Variants in MNAT1 observed in about 807,000 individuals in gnomAD.
MNAT1 encodes the protein CDK-activating kinase assembly factor MAT1.
A neutral mutation model predicts 42.0 loss-of-function variants in MNAT1; 43 were observed. The ratio of observed to expected loss-of-function variants is 1.02; its 90% CI spans 0.80 to 1.32. MNAT1 has a LOEUF of 1.32. Among genes scored for constraint, MNAT1 ranks in the 40% most tolerant of loss-of-function variants. The pLI is 0.00. For missense variants in MNAT1, 306 were observed against 350.4 expected, an observed-to-expected ratio of 0.87 and a Z score of 1.01; for synonymous variants, 118 against 120.0, an observed-to-expected ratio of 0.98 and a Z score of 0.11.
intron 6 of MNAT1, among the ~76,000 whole-genome samples, chr14:60,873,689 T>G (rs1057086995): frequency 4.0e-5 from 6 of 150,444 alleles, no homozygotes; most frequent in African/African-American, 1.5e-4. Flanking sequence ...CAGGCTGGTC[T>G]CAAGCACCTG....
chr14:60,818,660 A>G, intron 5 of MNAT1, 62 bp from the exon 6 acceptor site: 2 of 1,386,006 alleles, frequency 1.4e-6, no homozygotes, highest in Middle Eastern at 1.9e-4. Flanking sequence ...TTAAAATAAA[A>G]GTCTTGTTGT....
At chr14:60,831,766 A>G (rs1034838063) in intron 6 of MNAT1, among the ~76,000 whole-genome samples, 3 of 152,172 alleles carry the variant, frequency 2.0e-5, no homozygotes, top group African/African-American at 7.2e-5. Flanking sequence ...GTCTTCCATA[A>G]TGGTTGAATT....
chr14:60,963,228 C>T (rs2036628130), intron 7 of MNAT1, among the ~76,000 whole-genome samples: 1 of 152,172 alleles, frequency 6.6e-6, no homozygotes, highest in Non-Finnish European at 1.5e-5. Flanking sequence ...GATCTGCCCA[C>T]CTCGCCCTCC....
At chr14:60,788,896 A>G (rs1208084626) in intron 1 of MNAT1, among the ~76,000 whole-genome samples, 2 of 152,150 alleles carry the variant, frequency 1.3e-5, no homozygotes, top group Non-Finnish European at 2.9e-5. Context: ...TCTCTGTATA[A>G]ATGATAAGAC....
chr14:60,841,091 A>C (rs1008068600), intron 6 of MNAT1, among the ~76,000 whole-genome samples: 2 of 152,016 alleles, frequency 1.3e-5, no homozygotes, highest in Non-Finnish European at 2.9e-5. Context: ...AAGTTACTTG[A>C]TGTTAAAATT....
chr14:60,883,929 T>C (rs1011554523), intron 7 of MNAT1, among the ~76,000 whole-genome samples: 2 of 152,172 alleles, frequency 1.3e-5, no homozygotes, highest in Non-Finnish European at 2.9e-5. Flanking sequence ...ATTCTGCAAC[T>C]TTACTCAATT....
chr14:60,914,001 T>C (rs1336653584), intron 7 of MNAT1, among the ~76,000 whole-genome samples: 1 of 152,232 alleles, frequency 6.6e-6, no homozygotes, highest in Non-Finnish European at 1.5e-5. Flanking sequence ...CTGCTTTGTT[T>C]ACCTACTCAA....
At chr14:60,780,350 C>A in intron 1 of MNAT1, 1 of 1,574,502 alleles carries the variant, frequency 6.4e-7, no homozygotes, top group Non-Finnish European at 8.7e-7. Flanking sequence ...GAAAGCTATT[C>A]AGGATGAAAT....
intron 7 of MNAT1, among the ~76,000 whole-genome samples, chr14:60,891,447 G>T (rs1359887242): frequency 6.7e-6 from 1 of 150,068 alleles, no homozygotes; most frequent in Non-Finnish European, 1.5e-5. Flanking sequence ...GACTTTTCTT[G>T]TTTTGTTTGT....
chr14:60,856,285 A>G (rs1312973546), intron 6 of MNAT1, among the ~76,000 whole-genome samples: 1 of 152,246 alleles, frequency 6.6e-6, no homozygotes, highest in African/African-American at 2.4e-5. Flanking sequence ...GTTCATATGG[A>G]GAAAGTTTCA....
chr14:60,752,742 A>G (rs143179808), intron 1 of MNAT1, among the ~76,000 whole-genome samples: 294 of 152,296 alleles, frequency 1.9e-3, no homozygotes, highest in African/African-American at 6.7e-3. Context: ...AAGAAATTTC[A>G]TATTACTCTA....
Position 60,886,068 on chromosome 14 carries a change from G to A in MNAT1, c.809+6233G>A, listed in dbSNP as rs2034662537. ...TGCCCTTATCAAAAATTAGTTGACT[G>A]CAGATGTTTGGGTTTATTTCTGGGC... On this transcript the variant is annotated intron_variant, in intron 7 of 7. Coordinates refer to ENST00000261245, the MANE Select transcript of MNAT1 (RefSeq NM_002431.4). Among the ~76,000 whole-genome samples, 4 of 152,044 alleles carry A rather than the reference G, an allele frequency of 2.6e-5. No homozygotes were observed. The South Asian group carries it at 8.3e-4, about 32-fold the overall frequency.
rs149428792 is a variant in MNAT1 at position 60,835,810 on chromosome 14, T to A, written c.687+16963T>A. On this transcript the variant is annotated intron_variant, in intron 6 of 7. Coordinates refer to ENST00000261245, the MANE Select transcript of MNAT1 (RefSeq NM_002431.4). Reference sequence around the variant, plus strand: ...GCTAGGTTGGGGAAGTTCTCCTGAATAATATCCTGAGGAGTGTTTTCCAGC... The same window carrying A: ...GCTAGGTTGGGGAAGTTCTCCTGAAAAATATCCTGAGGAGTGTTTTCCAGC... 1.1e-3 allele frequency among the ~76,000 whole-genome samples: 170 copies of A among 152,346 alleles called. No homozygotes were observed. The East Asian group carries it at 0.023, about 21-fold the overall frequency.
At chr14:60,834,026 C>G (rs796498474) in intron 6 of MNAT1, among the ~76,000 whole-genome samples, 1 of 152,116 alleles carries the variant, frequency 6.6e-6, no homozygotes, top group Non-Finnish European at 1.5e-5. Context: ...GTGACATTCT[C>G]TTCATCATTT....
At chr14:60,902,411 G>A (rs546562213) in intron 7 of MNAT1, among the ~76,000 whole-genome samples, 52 of 152,104 alleles carry the variant, frequency 3.4e-4, no homozygotes, top group African/African-American at 1.1e-3. Flanking sequence ...TACTACAAGC[G>A]AGATAGGTTT....
intron 1 of MNAT1, among the ~76,000 whole-genome samples, chr14:60,772,732 A>T (rs1424466516): frequency 6.6e-6 from 1 of 152,084 alleles, no homozygotes; most frequent in Non-Finnish European, 1.5e-5. Flanking sequence ...ATATAATCTT[A>T]TACGTCTAAA....
Position 60,961,554 on chromosome 14 carries a change from T to C in MNAT1, c.810-6675T>C, listed in dbSNP as rs2036592292. ...CTGTCATTTTTTTAGGGAAACCTGT[T>C]CTGATCTTATTCATGTTGGCTTCTC... On this transcript the variant is annotated intron_variant, in intron 7 of 7. Coordinates refer to ENST00000261245, the MANE Select transcript of MNAT1 (RefSeq NM_002431.4). Among the ~76,000 whole-genome samples the C allele has an allele frequency of 1.3e-5, 2 of 152,220 alleles. 1 individual carries two copies. The highest frequency in any genetic ancestry group is 4.1e-4 in the South Asian group (2 of 4,828).
chr14:60,806,583 A>C (rs532740759), intron 3 of MNAT1, among the ~76,000 whole-genome samples: 1 of 152,356 alleles, frequency 6.6e-6, no homozygotes, highest in Admixed American at 6.5e-5. Context: ...TAATCCCAGC[A>C]CTTTGGGAGG....
intron 7 of MNAT1, among the ~76,000 whole-genome samples, chr14:60,894,571 T>C (rs2034913524): frequency 6.6e-6 from 1 of 152,120 alleles, no homozygotes; most frequent in Non-Finnish European, 1.5e-5. Context: ...GGTTGGAGTT[T>C]TAAATGTAGG....
Sources: allele counts gnomAD v4.1 joint callset (sites outside exome capture counted in the v4.1 genomes callset), GRCh38; gene constraint gnomAD v4.1.1; transcripts MANE v1.5; gene names NCBI Gene and HGNC (gene_info 2026-07-23, HGNC 2026-07-21).